MYLIP: variants seen among roughly 807,000 people sequenced by gnomAD.
MYLIP encodes the protein E3 ubiquitin-protein ligase MYLIP.
Under a neutral mutation model 45.8 loss-of-function variants are expected in MYLIP, and 26 were observed. That is an observed-to-expected ratio of 0.57 (90% CI 0.42 to 0.79). MYLIP has a LOEUF of 0.79. Ranked by LOEUF, MYLIP falls within the 30% of genes least tolerant of loss-of-function variation. The probability of loss-of-function intolerance (pLI) is 0.00; values close to 1 mark genes in which losing one functional copy is unlikely to be tolerated. For synonymous variants in MYLIP, 213 were observed against 218.1 expected, an observed-to-expected ratio of 0.98 and a Z score of 0.21; for missense variants, 494 against 555.6, an observed-to-expected ratio of 0.89 and a Z score of 1.11.
chr6:16,138,380 A>AG, intron 2 of MYLIP, among the ~76,000 whole-genome samples: 2 of 151,988 alleles, frequency 1.3e-5, no homozygotes, highest in Admixed American at 6.5e-5. Flanking sequence ...AGATGGTTTG[A>AG]GGGGAAAATA....
intron 2 of MYLIP, among the ~76,000 whole-genome samples, chr6:16,140,236 A>G (rs1012728022): frequency 1.3e-5 from 2 of 152,226 alleles, no homozygotes; most frequent in Admixed American, 6.5e-5. Context: ...AAAACTTCAC[A>G]TTTGCCAGGG....
intron 2 of MYLIP, among the ~76,000 whole-genome samples, chr6:16,132,023 C>T (rs191791611): frequency 1.4e-3 from 211 of 152,264 alleles, no homozygotes; most frequent in African/African-American, 4.6e-3. Context: ...GAAAGCTTTG[C>T]GCTTCACTGT....
chr6:16,140,492 G>A (rs945267347), intron 2 of MYLIP, among the ~76,000 whole-genome samples: 4 of 152,218 alleles, frequency 2.6e-5, no homozygotes, highest in South Asian at 2.1e-4. Context: ...TCTGATGTTC[G>A]AGGCACTTAA....
chr6:16,140,652 C>T (rs1162454225), intron 2 of MYLIP, among the ~76,000 whole-genome samples: 1 of 152,130 alleles, frequency 6.6e-6, no homozygotes, highest in Non-Finnish European at 1.5e-5. Flanking sequence ...GACACCAGAG[C>T]ATGAACATGC....
At chr6:16,156,130 C>T in the MYLIP span, among the ~76,000 whole-genome samples, 14 of 152,318 alleles carry the variant, frequency 9.2e-5, no homozygotes, top group African/African-American at 2.6e-4. Context: ...CATCCAGCTG[C>T]TTCTCCTCCC....
the MYLIP span, among the ~76,000 whole-genome samples, chr6:16,162,890 C>G: frequency 1.3e-5 from 2 of 150,618 alleles, no homozygotes; most frequent in Non-Finnish European, 2.9e-5. Flanking sequence ...TCCCCAGTAA[C>G]CAGGTATTCT....
In MYLIP at chr6:16,141,646, C is replaced by T. The variant is rs1396156543; in HGVS notation, c.300C>T (p.Ile100=). Residue 100 remains isoleucine, a synonymous_variant, in exon 3 of 7, where the codon ATC becomes ATT. Coordinates refer to ENST00000356840, the MANE Select transcript of MYLIP (RefSeq NM_013262.4). ...EQTRHIFFLH[I]KEALLAGHLL... ...GCAGGCATATCTTTTTCTTGCACAT[C>T]AAGGAGGCCCTCTTGGCAGGCCACC... 2 of 1,613,280 alleles carry T rather than the reference C, an allele frequency of 1.2e-6. No individual in the cohort carries two copies. The highest frequency in any genetic ancestry group is 1.7e-6 in the Non-Finnish European group (2 of 1,179,388).
rs143570847 is a variant in MYLIP at position 16,142,802 on chromosome 6, C to T, written c.465-218C>T. Among the ~76,000 whole-genome samples, 134 of 152,288 alleles carry T rather than the reference C, an allele frequency of 8.8e-4. 2 individuals carry two copies. In the East Asian group the frequency reaches 0.023, roughly 26 times the overall value. ...TCCAATTCATCACCCATCCAGCATC[C>T]CCAAAGTGTTTTTACCAAGTATTTA... On this transcript the variant is annotated intron_variant, in intron 3 of 6. Coordinates refer to ENST00000356840, the MANE Select transcript of MYLIP (RefSeq NM_013262.4).
At chr6:16,132,582 T>TA (rs1759479787) in intron 2 of MYLIP, among the ~76,000 whole-genome samples, 1 of 152,222 alleles carries the variant, frequency 6.6e-6, no homozygotes. Context: ...TTACTTGGTT[T>TA]CATGGGGTTG....
At chr6:16,141,318 C>A (rs1264507599) in intron 2 of MYLIP, among the ~76,000 whole-genome samples, 2 of 152,258 alleles carry the variant, frequency 1.3e-5, no homozygotes, top group East Asian at 1.9e-4. Flanking sequence ...AAAATAATTT[C>A]TTTTAAAACA....
In MYLIP at chr6:16,136,531, A is replaced by G. The variant is rs377500226; in HGVS notation, c.279-5094A>G. ...TATTATGAATAAAGCTGCCATAAAC[A>G]TTCTAGTATGTACCTTTTTTTTGTA... On this transcript the variant is annotated intron_variant, in intron 2 of 6. Coordinates refer to ENST00000356840, the MANE Select transcript of MYLIP (RefSeq NM_013262.4). Among the ~76,000 whole-genome samples the G allele has an allele frequency of 3.3e-5, 5 of 152,230 alleles. No individual in the cohort carries two copies. In the East Asian group the frequency reaches 5.8e-4, roughly 18 times the overall value.
intron 2 of MYLIP, among the ~76,000 whole-genome samples, chr6:16,136,482 A>G (rs566626129): frequency 1.2e-4 from 19 of 152,328 alleles, no homozygotes; most frequent in African/African-American, 3.8e-4. Context: ...CCGTACTCCT[A>G]ATAATGAACA....
chr6:16,145,164 C>A lies in MYLIP; in HGVS notation c.1095C>A (p.Gly365=), dbSNP rs370365355. The change falls in exon 6 of 7, where the codon GGC becomes GGA. Residue 365 remains glycine, a synonymous_variant. Coordinates refer to ENST00000356840, the MANE Select transcript of MYLIP (RefSeq NM_013262.4). ...GCATGAACTGCAGCAGCTGCGAGGGCCTCAGCTGCCAGCAGACCCGGGTGC... is the reference window on the plus strand; with the variant it reads ...GCATGAACTGCAGCAGCTGCGAGGGACTCAGCTGCCAGCAGACCCGGGTGC... The part of the protein sequence containing the change: ...ESSMNCSSCE[G]LSCQQTRVLQ... The A allele has an allele frequency of 6.2e-7, 1 of 1,614,194 alleles. No individual in the cohort carries two copies. Among genetic ancestry groups the A allele is most frequent in the South Asian group, 1.1e-5 (1 of 91,084 alleles).
At chr6:16,135,347 T>C (rs1226715276) in intron 2 of MYLIP, among the ~76,000 whole-genome samples, 1 of 152,218 alleles carries the variant, frequency 6.6e-6, no homozygotes, top group East Asian at 1.9e-4. Flanking sequence ...CTGCTTTCAA[T>C]TAGAAGTGTT....
chr6:16,154,662 T>C, the MYLIP span, among the ~76,000 whole-genome samples: 1 of 152,184 alleles, frequency 6.6e-6, no homozygotes. Flanking sequence ...AGTACACTTG[T>C]TCTCTTTGTT....
In MYLIP at chr6:16,129,506, C is replaced by G; in HGVS notation, c.87+97C>G. The G allele has an allele frequency of 8.2e-7, 1 of 1,224,124 alleles. No homozygotes were observed. Among genetic ancestry groups the G allele is most frequent in the Non-Finnish European group, 1.1e-6 (1 of 884,272 alleles). The allele number at this position is 1,224,124 out of a possible 1,614,324, so 75.8% of individuals were successfully genotyped here. A position where few individuals can be genotyped will look rare whatever the true frequency, so the allele number is the denominator to read the frequency against. The stretch of plus-strand genomic sequence containing the variant: ...ACTCTGGCGCGCCCCCTACTAGGGG[C>G]CGGGAGGCACTGCGGCGGCAGCCGG... On this transcript the variant is annotated intron_variant, in intron 1 of 6. Coordinates refer to ENST00000356840, the MANE Select transcript of MYLIP (RefSeq NM_013262.4). This position sits in a 1 kb window ranked among gnomAD's most constrained non-coding sequence, Gnocchi z 5.1.
At chr6:16,151,571 C>G (rs1581612240), downstream of MYLIP, among the ~76,000 whole-genome samples, 1 of 152,204 alleles carries the variant, frequency 6.6e-6, no homozygotes, top group Non-Finnish European at 1.5e-5. Flanking sequence ...AAAACACAAT[C>G]ATTCTTGTCT....
chr6:16,140,453 A>G (rs1205867330), intron 2 of MYLIP, among the ~76,000 whole-genome samples: 2 of 152,216 alleles, frequency 1.3e-5, no homozygotes, highest in Non-Finnish European at 2.9e-5. Flanking sequence ...CACACATAAT[A>G]TGCAGTTTTA....
At position 16,147,380 on chromosome 6, in the gene MYLIP, C is replaced by G. The variant is rs181113039; in HGVS notation, c.*629C>G. On this transcript the variant is annotated 3_prime_UTR_variant, in exon 7 of 7. Transcript: ENST00000356840. ...TGTGGCTAGTAAAAAGCAGCTCACTCAATGTGGGTGGCTCCCTATTCCTTT... is the reference window on the plus strand; with the variant it reads ...TGTGGCTAGTAAAAAGCAGCTCACTGAATGTGGGTGGCTCCCTATTCCTTT... The G allele has an allele frequency of 2.4e-4, 36 of 153,116 alleles. No homozygotes were observed. Among genetic ancestry groups the G allele is most frequent in the African/African-American group, 8.4e-4 (35 of 41,578 alleles). 9.5% of individuals were successfully genotyped at this position (153,116 alleles called of 1,614,324 possible).
Sources: allele counts gnomAD v4.1 joint callset (sites outside exome capture counted in the v4.1 genomes callset), GRCh38; gene constraint gnomAD v4.1.1; non-coding constraint Gnocchi (gnomAD v3.1); transcripts MANE v1.5; gene names NCBI Gene and HGNC (gene_info 2026-07-23, HGNC 2026-07-21).